The following GMDS variants were observed in gnomAD, a reference collection of about 807,000 sequenced individuals.
The protein encoded by GMDS is GDP-mannose 4,6 dehydratase.
Under a neutral mutation model 49.9 loss-of-function variants are expected in GMDS, and 20 were observed. That is an observed-to-expected ratio of 0.40 (90% CI 0.28 to 0.58). The LOEUF (loss-of-function observed/expected upper bound fraction) is 0.58, where lower values mean the gene tolerates loss of function less well. Ranked by LOEUF, GMDS falls within the 20% of genes least tolerant of loss-of-function variation. The pLI, the probability that GMDS is intolerant of heterozygous loss-of-function variation, is 0.42. For missense variants in GMDS, 362 were observed against 481.4 expected, an observed-to-expected ratio of 0.75 and a Z score of 2.32; for synonymous variants, 177 against 178.6, an observed-to-expected ratio of 0.99 and a Z score of 0.07.
At chr6:1,891,918 C>A (rs144300333) in intron 7 of GMDS, among the ~76,000 whole-genome samples, 118 of 152,264 alleles carry the variant, frequency 7.7e-4, no homozygotes, top group African/African-American at 2.7e-3. Flanking sequence ...AAGGAGGCCA[C>A]AGAACTCCAC....
At chr6:1,847,917 G>C (rs1757484781) in intron 7 of GMDS, among the ~76,000 whole-genome samples, 1 of 152,106 alleles carries the variant, frequency 6.6e-6, no homozygotes. Flanking sequence ...TTAGGAGAAG[G>C]AAAGAGTGAG....
intron 1 of GMDS, among the ~76,000 whole-genome samples, chr6:2,153,078 A>G (rs1171312570): frequency 6.6e-6 from 1 of 152,332 alleles, no homozygotes; most frequent in East Asian, 1.9e-4. Context: ...AAATAAATAA[A>G]AAAGACAAAA....
intron 7 of GMDS, among the ~76,000 whole-genome samples, chr6:1,818,711 T>C (rs958255341): frequency 2.0e-5 from 3 of 151,684 alleles, no homozygotes; most frequent in Non-Finnish European, 2.9e-5. Context: ...TGTACATATA[T>C]ACACATGCAT....
At chr6:2,095,348 ATTAAC>A (rs768307283) in intron 4 of GMDS, among the ~76,000 whole-genome samples, 10 of 152,268 alleles carry the variant, frequency 6.6e-5, no homozygotes, top group African/African-American at 2.2e-4. Context: ...ACAAACTCGT[ATTAAC>A]TTAAGAACAT....
chr6:2,226,251 T>C (rs1396903451), intron 1 of GMDS, among the ~76,000 whole-genome samples: 2 of 152,152 alleles, frequency 1.3e-5, no homozygotes, highest in African/African-American at 4.8e-5. Context: ...AGAAATAACA[T>C]GAAACCCGTG....
chr6:1,839,583 C>A (rs1757067998), intron 7 of GMDS, among the ~76,000 whole-genome samples: 1 of 152,198 alleles, frequency 6.6e-6, no homozygotes. Context: ...TGGTTGTGTA[C>A]AATTATCCCT....
intron 1 of GMDS, among the ~76,000 whole-genome samples, chr6:2,232,725 A>G (rs546485622): frequency 6.6e-6 from 1 of 152,304 alleles, no homozygotes; most frequent in African/African-American, 2.4e-5. Context: ...CTCAGAGAAC[A>G]GCACTGCAGT....
intron 4 of GMDS, among the ~76,000 whole-genome samples, chr6:2,093,508 T>C (rs762614528): frequency 6.6e-6 from 1 of 152,088 alleles, no homozygotes; most frequent in Admixed American, 6.5e-5. Flanking sequence ...CAATTATAGA[T>C]AACCAGGGAG....
At chr6:1,767,630 C>G (rs886979474) in intron 7 of GMDS, among the ~76,000 whole-genome samples, 1 of 152,180 alleles carries the variant, frequency 6.6e-6, no homozygotes, top group Middle Eastern at 3.2e-3. Context: ...TGACTTGAGT[C>G]TCTGGCAGCC....
intron 7 of GMDS, among the ~76,000 whole-genome samples, chr6:1,897,001 T>C (rs565240361): frequency 2.4e-4 from 37 of 152,102 alleles, no homozygotes; most frequent in African/African-American, 6.8e-4. Flanking sequence ...AAGACAACAA[T>C]GTACATGGAG....
At chr6:2,087,752 C>T (rs1296850754) in intron 4 of GMDS, among the ~76,000 whole-genome samples, 3 of 152,166 alleles carry the variant, frequency 2.0e-5, no homozygotes, top group Non-Finnish European at 4.4e-5. Flanking sequence ...TTAGTTATCC[C>T]AAGACCTAAC....
intron 4 of GMDS, among the ~76,000 whole-genome samples, chr6:1,976,437 T>A (rs1764907006): frequency 6.6e-6 from 1 of 152,186 alleles, no homozygotes; most frequent in Non-Finnish European, 1.5e-5. Flanking sequence ...CAATGTTTCT[T>A]GAGGGAATGA....
intron 7 of GMDS, among the ~76,000 whole-genome samples, chr6:1,878,628 C>T (rs1407841180): frequency 6.6e-6 from 1 of 151,764 alleles, no homozygotes; most frequent in Non-Finnish European, 1.5e-5. Context: ...GTGTGAGGTG[C>T]AAAATGCAAA....
At chr6:1,999,996 T>TATATATATTTTATATATATATA (rs1255621997) in intron 4 of GMDS, among the ~76,000 whole-genome samples, 1 of 10,450 alleles carries the variant, frequency 9.6e-5, no homozygotes, top group Non-Finnish European at 2.2e-4. Context: ...TATATATATA[T>TATATATATTTTATATATATATA]TATATATATA....
chr6:1,959,993 A>G, intron 5 of GMDS, 22 bp from the exon 6 acceptor site: 2 of 1,440,926 alleles, frequency 1.4e-6, no homozygotes, highest in South Asian at 2.4e-5. Flanking sequence ...ATTTTTTTTA[A>G]GCAATGAAGT....
chr6:1,909,827 A>G (rs776038104), intron 7 of GMDS, among the ~76,000 whole-genome samples: 34 of 152,216 alleles, frequency 2.2e-4, no homozygotes, highest in Non-Finnish European at 4.3e-4. Flanking sequence ...ATGGCATCAC[A>G]GAAGCATCCA....
At chr6:1,777,167 C>A (rs764496437) in intron 7 of GMDS, among the ~76,000 whole-genome samples, 1 of 152,252 alleles carries the variant, frequency 6.6e-6, no homozygotes, top group African/African-American at 2.4e-5. Context: ...CTAATCCTCA[C>A]GCCGGCAGTG....
chr6:1,929,453 C>A (rs556624056), intron 7 of GMDS, among the ~76,000 whole-genome samples: 1 of 152,186 alleles, frequency 6.6e-6, no homozygotes, highest in Non-Finnish European at 1.5e-5. Flanking sequence ...ATACTACTTG[C>A]GTATGTAATA....
intron 7 of GMDS, among the ~76,000 whole-genome samples, chr6:1,755,623 T>G (rs1447024654): frequency 1.3e-5 from 2 of 152,172 alleles, no homozygotes; most frequent in African/African-American, 4.8e-5. Context: ...GACTTCGAAC[T>G]ATACTGCAAG....
Sources: allele counts gnomAD v4.1 joint callset (sites outside exome capture counted in the v4.1 genomes callset), GRCh38; gene constraint gnomAD v4.1.1; transcripts MANE v1.5; gene names NCBI Gene and HGNC (gene_info 2026-07-23, HGNC 2026-07-21).